The following NPAS3 variants were observed in gnomAD, a reference collection of about 807,000 sequenced individuals.
NPAS3 encodes the protein neuronal PAS domain-containing protein 3.
NPAS3 carries 14 observed loss-of-function variants against 73.1 expected under a neutral mutation model. That is an observed-to-expected ratio of 0.19 (90% CI 0.13 to 0.30). The LOEUF (loss-of-function observed/expected upper bound fraction) is 0.30, where lower values mean the gene tolerates loss of function less well. Among genes scored for constraint, NPAS3 ranks in the 10% least tolerant of loss-of-function variants. The probability of loss-of-function intolerance (pLI) is 1.00; values close to 1 mark genes in which losing one functional copy is unlikely to be tolerated. For missense variants in NPAS3, 1,096 were observed against 1,250.0 expected, an observed-to-expected ratio of 0.88 and a Z score of 1.86; for synonymous variants, 620 against 541.5, an observed-to-expected ratio of 1.14 and a Z score of -2.01.
chr14:33,498,933 A>T (rs12880141), intron 4 of NPAS3, among the ~76,000 whole-genome samples: 3,642 of 76,040 alleles, frequency 0.048, 56 homozygotes, highest in East Asian at 0.14. Flanking sequence ...AGACAGAGAG[A>T]GAGTGTGTGT....
intron 5 of NPAS3, among the ~76,000 whole-genome samples, chr14:33,608,053 C>T (rs183600180): frequency 2.0e-5 from 3 of 152,252 alleles, no homozygotes; most frequent in African/African-American, 7.2e-5. Context: ...TGGGTGGGGA[C>T]ACAGCCAAAC....
chr14:33,664,981 A>G (rs2059412336), intron 5 of NPAS3, among the ~76,000 whole-genome samples: 1 of 152,196 alleles, frequency 6.6e-6, no homozygotes, highest in South Asian at 2.1e-4. Context: ...CAGAAATACC[A>G]TTTGACCCAG....
rs549942690 is a variant in NPAS3 at position 33,768,129 on chromosome 14, A to C, written c.853-6208A>C. ...TAATGCTAATGTGGACATTTTTATC[A>C]AAGATGATGGGATTTCAACTCAGTA... On this transcript the variant is annotated intron_variant, in intron 7 of 11. Coordinates refer to ENST00000356141, the Ensembl canonical transcript of NPAS3. Among the ~76,000 whole-genome samples, 5 of 152,330 alleles carry C rather than the reference A, an allele frequency of 3.3e-5. No individual in the cohort carries two copies. In the South Asian group the frequency reaches 1.0e-3, roughly 32 times the overall value.
intron 4 of NPAS3, among the ~76,000 whole-genome samples, chr14:33,391,848 A>T (rs1566860734): frequency 6.6e-6 from 1 of 152,214 alleles, no homozygotes. Flanking sequence ...AAAAGGTCTT[A>T]GATCAAACTC....
chr14:32,982,452 G>A (rs559645077), intron 1 of NPAS3, among the ~76,000 whole-genome samples: 2 of 152,208 alleles, frequency 1.3e-5, no homozygotes, highest in Non-Finnish European at 2.9e-5. Context: ...GCTCATGCCT[G>A]TAATCCCAGC....
chr14:33,699,127 C>T (rs866118447), intron 6 of NPAS3, among the ~76,000 whole-genome samples: 1 of 152,162 alleles, frequency 6.6e-6, no homozygotes, highest in Middle Eastern at 3.4e-3. Flanking sequence ...TCGCTGTATA[C>T]CCTTCTGTGC....
At chr14:33,477,186 CCATCTTT>C (rs1352602046) in intron 4 of NPAS3, among the ~76,000 whole-genome samples, 1 of 152,074 alleles carries the variant, frequency 6.6e-6, no homozygotes, top group South Asian at 2.1e-4. Flanking sequence ...ATCCTATTTA[CCATCTTT>C]CATCTTTTGG....
intron 4 of NPAS3, among the ~76,000 whole-genome samples, chr14:33,418,386 C>T (rs148934953): frequency 6.6e-6 from 1 of 151,928 alleles, no homozygotes; most frequent in East Asian, 1.9e-4. Context: ...GCCTCCCAGG[C>T]TTGTATGCTG....
intron 4 of NPAS3, among the ~76,000 whole-genome samples, chr14:33,504,469 T>C (rs1409774967): frequency 6.6e-6 from 1 of 152,052 alleles, no homozygotes; most frequent in Non-Finnish European, 1.5e-5. Context: ...AAACTGGTTT[T>C]AGCTTCCTTG....
chr14:33,102,651 G>A (rs1197524816), intron 2 of NPAS3, among the ~76,000 whole-genome samples: 4 of 152,166 alleles, frequency 2.6e-5, no homozygotes, highest in Non-Finnish European at 4.4e-5. Context: ...AAATAGGAAG[G>A]ATGCAGGCAT....
intron 2 of NPAS3, among the ~76,000 whole-genome samples, chr14:33,131,030 T>A (rs2043616749): frequency 2.0e-5 from 3 of 152,276 alleles, no homozygotes; most frequent in Middle Eastern, 3.4e-3. Flanking sequence ...ATGCTCACCA[T>A]TCAGCTGGGC....
At chr14:33,208,349 C>T (rs933893342) in intron 2 of NPAS3, among the ~76,000 whole-genome samples, 4 of 152,108 alleles carry the variant, frequency 2.6e-5, no homozygotes, top group Non-Finnish European at 5.9e-5. Context: ...GGAATTAAAT[C>T]CTCTTATTTA....
chr14:33,200,681 A>T (rs2139585942), intron 2 of NPAS3, among the ~76,000 whole-genome samples: 1 of 152,332 alleles, frequency 6.6e-6, no homozygotes, highest in Non-Finnish European at 1.5e-5. Flanking sequence ...ATTTTACATT[A>T]AAAAATCTGG....
intron 2 of NPAS3, among the ~76,000 whole-genome samples, chr14:33,099,355 A>G (rs1183086167): frequency 6.6e-6 from 1 of 152,202 alleles, no homozygotes; most frequent in Non-Finnish European, 1.5e-5. Context: ...GCGTATTCAT[A>G]CATACATACA....
At chr14:33,075,659 A>G (rs1051662232) in intron 2 of NPAS3, among the ~76,000 whole-genome samples, 2 of 152,258 alleles carry the variant, frequency 1.3e-5, no homozygotes, top group Admixed American at 1.3e-4. Flanking sequence ...TATGCTTCGT[A>G]TTAGGCCATT....
chr14:32,996,451 C>G (rs1354739271), intron 1 of NPAS3, among the ~76,000 whole-genome samples: 3 of 152,138 alleles, frequency 2.0e-5, no homozygotes, highest in Admixed American at 6.6e-5. Flanking sequence ...ATGTCAGAAC[C>G]CTTCACAGCA....
At chr14:33,636,167 G>A (rs138523833) in intron 5 of NPAS3, among the ~76,000 whole-genome samples, 6,832 of 152,166 alleles carry the variant, frequency 0.045, 460 homozygotes, top group African/African-American at 0.15. Context: ...TGATCCATCC[G>A]CCTCGGCCTC....
intron 4 of NPAS3, among the ~76,000 whole-genome samples, chr14:33,482,094 A>G (rs931814461): frequency 6.6e-6 from 1 of 151,816 alleles, no homozygotes; most frequent in Non-Finnish European, 1.5e-5. Context: ...CAACCTCACA[A>G]ATGATGATAG....
rs1555313581 is a variant in NPAS3, at chr14:32,975,896, T to TGAGAGA, written c.50+36538_50+36543dup. ...GTGTGTGTGTGTGTGTGTGTGTGTG[T>TGAGAGA]GAGAGAGAGAGAGTTTGCAGACACG... is the stretch of plus-strand genomic sequence containing the variant. On this transcript the variant is annotated intron_variant, in intron 1 of 11. Coordinates refer to ENST00000356141, the Ensembl canonical transcript of NPAS3. Among the ~76,000 whole-genome samples the TGAGAGA allele has an allele frequency of 3.9e-4, 56 of 142,302 alleles. 1 individual carries two copies. Among genetic ancestry groups the TGAGAGA allele is most frequent in the Middle Eastern group, 3.6e-3 (1 of 280 alleles). 93.4% of individuals were successfully genotyped at this position (142,302 alleles called of 152,430 possible).
Sources: gnomAD v4.1 joint callset for allele counts (sites outside exome capture counted in the v4.1 genomes callset) on GRCh38, gnomAD v4.1.1 for gene constraint, MANE v1.5 for transcripts, NCBI Gene and HGNC (gene_info 2026-07-23, HGNC 2026-07-21) for gene names.